Variants in SYT10 observed in about 807,000 individuals in gnomAD.
SYT10 encodes synaptotagmin 10, also known as synaptotagmin-10.
SYT10 carries 31 observed loss-of-function variants against 51.1 expected under a neutral mutation model. The observed-to-expected ratio is 0.61, with a 90% confidence interval of 0.46 to 0.82. SYT10 has a LOEUF of 0.82. SYT10 is among the 40% of genes least tolerant of loss of function. The pLI is 0.00. For missense variants in SYT10, 603 were observed against 634.0 expected (o/e 0.95, Z 0.53); for synonymous variants, 233 against 225.9 (o/e 1.03, Z -0.28).
In SYT10 at chr12:33,426,197, T is replaced by C. The variant is rs1265456495; in HGVS notation, c.450A>G (p.Glu150=). ...GCACACGTGCATGTTTAATTAAATG[T>C]TCTTTTAAAGCAGTTTGGACTTCTG... ...IPAEVQTALK[E]HLIKHARVQR... The change falls in exon 2 of 7, where the codon GAA becomes GAG. Residue 150 remains glutamate (E), a synonymous_variant. Coordinates refer to ENST00000228567, the MANE Select transcript of SYT10 (RefSeq NM_198992.4). 1 of 1,613,086 alleles carries C rather than the reference T, an allele frequency of 6.2e-7. No homozygotes were observed. The highest frequency in any genetic ancestry group is 1.1e-5 in the South Asian group (1 of 90,840).
At chr12:33,378,766 C>A (rs1361718315) in intron 6 of SYT10, among the ~76,000 whole-genome samples, 1 of 151,762 alleles carries the variant, frequency 6.6e-6, no homozygotes, top group African/African-American at 2.4e-5. Flanking sequence ...AGAGAATACA[C>A]GTCTATACTT....
At chr12:33,385,089 C>A (rs2138387369) in intron 4 of SYT10, 82 bp downstream of exon 4, 1 of 1,501,034 alleles carries the variant, frequency 6.7e-7, no homozygotes. Flanking sequence ...GCAAATAATT[C>A]AGTAGTCATG....
At chr12:33,396,753 G>C (rs1250204445) in intron 3 of SYT10, among the ~76,000 whole-genome samples, 9 of 149,834 alleles carry the variant, frequency 6.0e-5, no homozygotes, top group Non-Finnish European at 1.3e-4. Flanking sequence ...GCGCGATCTT[G>C]GCTCACTGCA....
At chr12:33,438,081 T>C (rs1866652337) in intron 1 of SYT10, among the ~76,000 whole-genome samples, 1 of 152,076 alleles carries the variant, frequency 6.6e-6, no homozygotes, top group Admixed American at 6.5e-5. Flanking sequence ...AACGATGGAA[T>C]GTAAAAGCTA....
At chr12:33,382,029 T>C (rs532185321) in intron 5 of SYT10, among the ~76,000 whole-genome samples, 2 of 152,330 alleles carry the variant, frequency 1.3e-5, no homozygotes, top group South Asian at 4.1e-4. Context: ...CCAGCCTAGT[T>C]GGTAAAACAA....
rs79953424 is a variant in SYT10, at chr12:33,437,737, G to T, written c.151+1635C>A. 1.2e-3 allele frequency among the ~76,000 whole-genome samples: 190 copies of T among 152,134 alleles called. No individual in the cohort carries two copies. The East Asian group carries it at 0.033, about 26-fold the overall frequency. Reference sequence around the variant, plus strand: ...CTTTAGCAAGTGGGTCACTAAAGACGTTTCAGAAAAGCTTATCTAATATCA... The same window carrying T: ...CTTTAGCAAGTGGGTCACTAAAGACTTTTCAGAAAAGCTTATCTAATATCA... On this transcript the variant is annotated intron_variant, in intron 1 of 6. Coordinates refer to ENST00000228567, the MANE Select transcript of SYT10 (RefSeq NM_198992.4).
At chr12:33,379,803 G>A (rs772554119) in intron 6 of SYT10, 29 bp downstream of exon 6, 3 of 1,612,000 alleles carry the variant, frequency 1.9e-6, no homozygotes, top group Non-Finnish European at 2.5e-6. Flanking sequence ...ACAACAAAAA[G>A]AGCAGACGTA....
rs1226039273 is a variant in SYT10, at chr12:33,382,544, T to A, written c.1199-24A>T. 19 of 1,559,592 alleles carry A rather than the reference T, an allele frequency of 1.2e-5. No homozygotes were observed. The Admixed American group carries it at 3.7e-4, about 30-fold the overall frequency. The stretch of plus-strand genomic sequence containing the variant: ...ATCTAGGAATAAGAAGATAACTTTA[T>A]TAAAATAAAAGTAATAGTACAAAGC... On this transcript the variant is annotated intron_variant, in intron 4 of 6. Transcript: ENST00000228567.
At chr12:33,401,225 G>C (rs1398064752) in intron 3 of SYT10, among the ~76,000 whole-genome samples, 1 of 152,010 alleles carries the variant, frequency 6.6e-6, no homozygotes, top group African/African-American at 2.4e-5. Flanking sequence ...ATTCCCGTGT[G>C]TCTTTACATA....
intron 3 of SYT10, among the ~76,000 whole-genome samples, chr12:33,389,263 C>A (rs183316233): frequency 6.6e-6 from 1 of 152,058 alleles, no homozygotes; most frequent in African/African-American, 2.4e-5. Context: ...GTGGAAAGGG[C>A]GTAGGTTCCT....
At chr12:33,420,167 T>C (rs1402613443) in intron 2 of SYT10, among the ~76,000 whole-genome samples, 1 of 152,202 alleles carries the variant, frequency 6.6e-6, no homozygotes, top group Admixed American at 6.5e-5. Context: ...TTACTGCAAA[T>C]AGTGTATTGA....
intron 4 of SYT10, 127 bp downstream of exon 4, chr12:33,385,044 A>G: frequency 2.5e-6 from 3 of 1,187,944 alleles, no homozygotes; most frequent in Non-Finnish European, 3.5e-6. Context: ...TAAATTTGTA[A>G]TCTTTTTTTT....
chr12:33,431,778 A>G (rs902308168), intron 1 of SYT10, among the ~76,000 whole-genome samples: 2 of 152,216 alleles, frequency 1.3e-5, no homozygotes, highest in African/African-American at 4.8e-5. Flanking sequence ...AAAATAGTGA[A>G]GCACATCCTT....
At chr12:33,414,825 A>G (rs1443275730) in intron 2 of SYT10, among the ~76,000 whole-genome samples, 1 of 152,214 alleles carries the variant, frequency 6.6e-6, no homozygotes, top group Admixed American at 6.5e-5. Flanking sequence ...TGCCCCATCT[A>G]ACCTGGAACT....
chr12:33,405,247 C>T (rs1019779688), intron 3 of SYT10: 3 of 151,990 alleles, frequency 2.0e-5, no homozygotes, highest in African/African-American at 7.2e-5. Context: ...AATAATCTAA[C>T]AATTAATTGC....
At chr12:33,388,815 A>G (rs952808617) in intron 3 of SYT10, among the ~76,000 whole-genome samples, 4 of 152,206 alleles carry the variant, frequency 2.6e-5, no homozygotes, top group African/African-American at 9.7e-5. Context: ...TCACAGTTAT[A>G]AAGTTTTTTC....
At chr12:33,425,128 T>C (rs945266901) in intron 2 of SYT10, among the ~76,000 whole-genome samples, 1 of 152,132 alleles carries the variant, frequency 6.6e-6, no homozygotes, top group African/African-American at 2.4e-5. Flanking sequence ...TTTTTCAATT[T>C]GATAGATTTC....
At chr12:33,394,126 T>C (rs1181715776) in intron 3 of SYT10, among the ~76,000 whole-genome samples, 1 of 152,208 alleles carries the variant, frequency 6.6e-6, no homozygotes, top group Non-Finnish European at 1.5e-5. Context: ...TGTCCAGTTA[T>C]CTACACTCTT....
chr12:33,389,237 G>A (rs1325338491), intron 3 of SYT10, among the ~76,000 whole-genome samples: 7 of 152,146 alleles, frequency 4.6e-5, no homozygotes, highest in Non-Finnish European at 2.9e-5. Flanking sequence ...ACATGAAAGG[G>A]TGGGAGCTTG....
Sources: allele counts gnomAD v4.1 joint callset (sites outside exome capture counted in the v4.1 genomes callset), GRCh38; gene constraint gnomAD v4.1.1; transcripts MANE v1.5; gene names NCBI Gene and HGNC (gene_info 2026-07-23, HGNC 2026-07-21).